The following MDFI variants were observed in gnomAD, a reference collection of about 807,000 sequenced individuals.
MDFI encodes MyoD family inhibitor, also known as inhibitor of MyoD family a.
Under a neutral mutation model 22.3 loss-of-function variants are expected in MDFI, and 16 were observed. The ratio of observed to expected loss-of-function variants is 0.72; its 90% CI spans 0.49 to 1.09. The LOEUF is 1.09. MDFI is among the 50% of genes least tolerant of loss of function. The pLI is 0.00. For synonymous variants in MDFI, 145 were observed against 142.7 expected, an observed-to-expected ratio of 1.02 and a Z score of -0.12; for missense variants, 314 against 326.1, an observed-to-expected ratio of 0.96 and a Z score of 0.29.
chr6:41,637,157 G>A (rs1581820567), upstream of MDFI: 2 of 152,224 alleles, frequency 1.3e-5, no homozygotes, highest in South Asian at 4.1e-4. The surrounding 1 kb of genome is among the most constrained non-coding windows in gnomAD (Gnocchi z 6.8). Flanking sequence ...CCTTCCTCCG[G>A]GCCGCAACCA....
chr6:41,643,532 G>GGAAGGAAGGAAGGAAGGAAGGAA (rs1561829502), intron 2 of MDFI, among the ~76,000 whole-genome samples: 2 of 129,994 alleles, frequency 1.5e-5, no homozygotes, highest in African/African-American at 6.2e-5. Context: ...ACAGGAAGGA[G>GGAAGGAAGGAAGGAAGGAAGGAA]GGAAGGAGGG....
chr6:41,651,994 T>C (rs1581845110), intron 4 of MDFI, among the ~76,000 whole-genome samples: 1 of 152,332 alleles, frequency 6.6e-6, no homozygotes, highest in East Asian at 1.9e-4. Context: ...CTGCTGGAGC[T>C]TACATATCCG....
intron 2 of MDFI, among the ~76,000 whole-genome samples, chr6:41,640,202 G>A (rs563825301): frequency 2.6e-5 from 4 of 152,048 alleles, no homozygotes; most frequent in South Asian, 4.2e-4. Context: ...TGTCCCGCTG[G>A]GCCTCCTTCC....
In MDFI at chr6:41,646,291, C is replaced by G; in HGVS notation, c.242C>G (p.Pro81Arg). Reference protein sequence around the residue: ...QGLDSTDLDVPTEAVTCQPQG... With the variant: ...QGLDSTDLDVRTEAVTCQPQG... ...CTGGACAGCACTGACCTCGACGTCC[C>G]CACAGAAGCTGTGACATGTGAGTCC... The change falls in exon 3 of 5, where the codon CCC becomes CGC. Residue 81 changes from proline to arginine, a missense_variant. Pro to Arg is a moderately radical substitution (Grantham distance 103). Transcript: ENST00000230321. 2 of 1,448,070 alleles carry G rather than the reference C, an allele frequency of 1.4e-6. No homozygotes were observed. Among genetic ancestry groups the G allele is most frequent in the East Asian group, 2.7e-5 (1 of 37,238 alleles). 89.7% of individuals were successfully genotyped at this position (1,448,070 alleles called of 1,614,324 possible). A position where few individuals can be genotyped will look rare whatever the true frequency, so the allele number is the denominator to read the frequency against.
intron 4 of MDFI, among the ~76,000 whole-genome samples, chr6:41,650,917 G>T (rs72863088): frequency 0.33 from 50,772 of 151,808 alleles, 9,566 homozygotes; most frequent in East Asian, 0.51. Flanking sequence ...CATTTAAAAT[G>T]TCCTGGCCAG....
intron 3 of MDFI, among the ~76,000 whole-genome samples, chr6:41,649,228 G>T (rs1440575404): frequency 6.6e-6 from 1 of 152,222 alleles, no homozygotes; most frequent in Non-Finnish European, 1.5e-5. Flanking sequence ...TCACTGCTGC[G>T]CTCCCAACCC....
At chr6:41,649,944 T>A in intron 4 of MDFI, 101 bp downstream of exon 4, 1 of 1,008,222 alleles carries the variant, frequency 9.9e-7, no homozygotes, top group Non-Finnish European at 1.5e-6. Context: ...AGGCTGTTAC[T>A]TAGAGATGCA....
upstream of MDFI, chr6:41,637,072 T>A (rs955740838): frequency 1.3e-5 from 2 of 152,168 alleles, no homozygotes; most frequent in African/African-American, 4.8e-5. This position sits in a 1 kb window ranked among gnomAD's most constrained non-coding sequence, Gnocchi z 6.8. Flanking sequence ...GGCCGGCTCC[T>A]GGGGCACTAG....
At chr6:41,647,527 G>C (rs944248491) in intron 3 of MDFI, among the ~76,000 whole-genome samples, 7 of 152,192 alleles carry the variant, frequency 4.6e-5, no homozygotes, top group African/African-American at 1.7e-4. Flanking sequence ...TTATCCAGAT[G>C]CAGGCATCAG....
intron 3 of MDFI, among the ~76,000 whole-genome samples, chr6:41,647,412 G>A (rs1232202897): frequency 1.3e-5 from 2 of 152,236 alleles, no homozygotes; most frequent in Admixed American, 6.5e-5. Flanking sequence ...GAAGGGCAAG[G>A]GGCACCGAAG....
intron 2 of MDFI, among the ~76,000 whole-genome samples, chr6:41,640,223 C>T (rs1348730072): frequency 6.6e-6 from 1 of 152,188 alleles, no homozygotes; most frequent in Non-Finnish European, 1.5e-5. Flanking sequence ...TGCCTCCTCC[C>T]TTCCTCAGCC....
chr6:41,643,986 G>A (rs1767957153), intron 2 of MDFI, among the ~76,000 whole-genome samples: 1 of 152,086 alleles, frequency 6.6e-6, no homozygotes, highest in South Asian at 2.1e-4. Flanking sequence ...GGTGCCTCTG[G>A]GGGCCAGGGT....
At position 41,649,611 on chromosome 6, in the gene MDFI, C is replaced by G. The variant is rs1400967823; in HGVS notation, c.260-8C>G. On this transcript the variant is annotated splice_region_variant and splice_polypyrimidine_tract_variant and intron_variant, in intron 3 of 4. Transcript: ENST00000230321. ...TTTTCCCATCACACTTTCTCTTCAT[C>G]TCTCCAGGCCAGCCTCAGGGGAACC... 6.4e-7 allele frequency: 1 copy of G among 1,563,908 alleles called. No individual in the cohort carries two copies. Among genetic ancestry groups the G allele is most frequent in the Non-Finnish European group, 8.7e-7 (1 of 1,153,134 alleles).
chr6:41,646,081 G>A (rs1394800378), intron 2 of MDFI, 45 bp from the exon 3 acceptor site: 3 of 1,412,482 alleles, frequency 2.1e-6, no homozygotes, highest in Admixed American at 2.9e-5. Flanking sequence ...GGGCAAACAG[G>A]AAGGCCCCAG....
chr6:41,639,541 C>G (rs925498798), intron 2 of MDFI: 1 of 985,284 alleles, frequency 1.0e-6, no homozygotes, highest in Non-Finnish European at 1.2e-6. Flanking sequence ...GGGGCCTCGC[C>G]GGCCCTGGTT....
At chr6:41,643,576 A>AGGAG (rs1209257493) in intron 2 of MDFI, among the ~76,000 whole-genome samples, 156 of 73,318 alleles carry the variant, frequency 2.1e-3, no homozygotes, top group Middle Eastern at 0.011. Context: ...GAAGGAAGGA[A>AGGAG]GGAGGGAGGG....
chr6:41,644,144 C>G (rs1383953361), intron 2 of MDFI, among the ~76,000 whole-genome samples: 1 of 152,190 alleles, frequency 6.6e-6, no homozygotes, highest in African/African-American at 2.4e-5. Flanking sequence ...GCACCAGCGT[C>G]TCCACTTGCC....
At chr6:41,644,131 C>A (rs1767961039) in intron 2 of MDFI, among the ~76,000 whole-genome samples, 1 of 152,172 alleles carries the variant, frequency 6.6e-6, no homozygotes, top group Non-Finnish European at 1.5e-5. Context: ...GAGGCACCAT[C>A]TAGCACCAGC....
chr6:41,644,766 TTC>T (rs1320610640), intron 2 of MDFI, among the ~76,000 whole-genome samples: 1 of 151,138 alleles, frequency 6.6e-6, no homozygotes, highest in African/African-American at 2.4e-5. Context: ...CCCCTCACTA[TTC>T]TCTGTGATTG....
Sources: gnomAD v4.1 joint callset for allele counts (sites outside exome capture counted in the v4.1 genomes callset) on GRCh38, gnomAD v4.1.1 for gene constraint, Gnocchi (gnomAD v3.1) non-coding constraint, MANE v1.5 for transcripts, NCBI Gene and HGNC (gene_info 2026-07-23, HGNC 2026-07-21) for gene names.